LBH: variants seen among roughly 807,000 people sequenced by gnomAD.
LBH encodes protein LBH.
LBH carries 7 observed loss-of-function variants against 12.5 expected under a neutral mutation model. The observed-to-expected ratio is 0.56, with a 90% CI of 0.32 to 1.05. The LOEUF (loss-of-function observed/expected upper bound fraction) is 1.05. Among genes scored for constraint, LBH ranks in the 50% least tolerant of loss-of-function variants. The probability of loss-of-function intolerance (pLI) is 0.04; values close to 1 mark genes in which losing one functional copy is unlikely to be tolerated. For synonymous variants in LBH, 51 were observed against 50.1 expected (o/e 1.02, Z -0.08); for missense variants, 119 against 138.9 (o/e 0.86, Z 0.72).
chr2:30,231,599 T>C lies in LBH; in HGVS notation c.-140T>C. The C allele has an allele frequency of 1.3e-6, 1 of 779,892 alleles. No homozygotes were observed. Among genetic ancestry groups the C allele is most frequent in the Non-Finnish European group, 2.2e-6 (1 of 451,800 alleles). The allele number at this position is 779,892 out of a possible 1,614,324, so 48.3% of individuals were successfully genotyped here. ...GCCGACGTCGCTAGCCGTGGGGCTG[T>C]CCTGGGAAGGCGGACGGCGAGCGCC... On this transcript the variant is annotated 5_prime_UTR_variant, in exon 1 of 3. Coordinates refer to ENST00000395323, the MANE Select transcript of LBH (RefSeq NM_030915.4).
At position 30,232,536 on chromosome 2, in the gene LBH, C is replaced by G. The variant is rs1461119569; in HGVS notation, c.26+772C>G. 6 of 223,614 alleles carry G rather than the reference C, an allele frequency of 2.7e-5. No homozygotes were observed. In the East Asian group the frequency reaches 5.7e-4, roughly 21 times the overall value. 13.9% of individuals were successfully genotyped at this position (223,614 alleles called of 1,614,324 possible). On this transcript the variant is annotated intron_variant, in intron 1 of 2. Coordinates refer to ENST00000395323, the MANE Select transcript of LBH (RefSeq NM_030915.4). ...TGCTGGCAGTTTCTTCCTTCCTGCT[C>G]TGGGTTAGAGGAGAAGCGGCCGGGG...
rs1677603405 is a variant in LBH at position 30,232,265 on chromosome 2, A to G, written c.26+501A>G. Reference sequence around the variant, plus strand: ...GTGGGGGGCGGGAAACGCTCTCCCCACACGTAACCCCACTAAAGCCACAAG... The same window carrying G: ...GTGGGGGGCGGGAAACGCTCTCCCCGCACGTAACCCCACTAAAGCCACAAG... On this transcript the variant is annotated intron_variant, in intron 1 of 2. Transcript: ENST00000395323. 4.0e-5 allele frequency: 61 copies of G among 1,510,884 alleles called. No individual in the cohort carries two copies. The South Asian group carries it at 7.4e-4, about 18-fold the overall frequency. The allele number at this position is 1,510,884 out of a possible 1,614,324, so 93.6% of individuals were successfully genotyped here.
At chr2:30,257,286 TTA>T (rs1322579858) in intron 2 of LBH, 145 bp from the exon 3 acceptor site, 1 of 789,282 alleles carries the variant, frequency 1.3e-6, no homozygotes, top group South Asian at 1.7e-5. Context: ...GGCTCCCACC[TTA>T]TATACTCCAC....
chr2:30,232,330 T>A, intron 1 of LBH: 1 of 1,263,796 alleles, frequency 7.9e-7, no homozygotes, highest in Non-Finnish European at 1.0e-6. Flanking sequence ...CCCTGCCCTC[T>A]CCACCGCCCC....
chr2:30,232,145 CTT>C (rs1326103743), intron 1 of LBH: 10 of 1,544,592 alleles, frequency 6.5e-6, no homozygotes, highest in Non-Finnish European at 8.7e-6. Flanking sequence ...GGCCCCTCCT[CTT>C]TTTCTTTTTG....
intron 2 of LBH, among the ~76,000 whole-genome samples, chr2:30,241,462 T>G (rs1235532381): frequency 1.4e-5 from 2 of 145,956 alleles, no homozygotes; most frequent in African/African-American, 5.0e-5. Flanking sequence ...CTTTCTTTCT[T>G]TTTTTTTTTT....
At chr2:30,245,268 C>T (rs865959456) in intron 2 of LBH, among the ~76,000 whole-genome samples, 5 of 152,042 alleles carry the variant, frequency 3.3e-5, no homozygotes, top group South Asian at 2.1e-4. Context: ...TCATGGTTGC[C>T]GTCAAATTCT....
intron 2 of LBH, among the ~76,000 whole-genome samples, chr2:30,244,634 G>A (rs1269900400): frequency 6.6e-6 from 1 of 152,224 alleles, no homozygotes; most frequent in African/African-American, 2.4e-5. Flanking sequence ...TGGACGCGTG[G>A]CTCACACCTA....
chr2:30,235,823 G>A (rs1677677797), intron 2 of LBH, among the ~76,000 whole-genome samples: 2 of 152,194 alleles, frequency 1.3e-5, no homozygotes, highest in African/African-American at 4.8e-5. Context: ...AGGCTAAGGA[G>A]GCCCCTTTGT....
At position 30,231,593 on chromosome 2, in the gene LBH, G is replaced by T; in HGVS notation, c.-146G>T. The T allele has an allele frequency of 1.4e-6, 1 of 734,152 alleles. No individual in the cohort carries two copies. Among genetic ancestry groups the T allele is most frequent in the Non-Finnish European group, 2.4e-6 (1 of 417,204 alleles). 45.5% of individuals were successfully genotyped at this position (734,152 alleles called of 1,614,324 possible). On this transcript the variant is annotated 5_prime_UTR_variant, in exon 1 of 3. Transcript: ENST00000395323. ...CACCTTGCCGACGTCGCTAGCCGTGGGGCTGTCCTGGGAAGGCGGACGGCG... is the reference window on the plus strand; with the variant it reads ...CACCTTGCCGACGTCGCTAGCCGTGTGGCTGTCCTGGGAAGGCGGACGGCG...
chr2:30,255,827 G>A (rs887373302), intron 2 of LBH, among the ~76,000 whole-genome samples: 10 of 152,232 alleles, frequency 6.6e-5, no homozygotes, highest in Non-Finnish European at 1.5e-4. Flanking sequence ...GGATCAAGGT[G>A]CAGGCAGGAC....
chr2:30,241,392 GCTTA>G (rs1461828150), intron 2 of LBH, among the ~76,000 whole-genome samples: 2 of 150,278 alleles, frequency 1.3e-5, no homozygotes, highest in African/African-American at 2.4e-5. Flanking sequence ...TTATTTTTAT[GCTTA>G]CTTTTCCAAT....
At chr2:30,257,359 A>T (rs1195011449) in intron 2 of LBH, 74 bp from the exon 3 acceptor site, 3 of 1,526,712 alleles carry the variant, frequency 2.0e-6, no homozygotes, top group African/African-American at 1.4e-5. Flanking sequence ...TGCCACATGG[A>T]TGTGCAAAGA....
At chr2:30,233,515 G>A (rs1677629500) in intron 1 of LBH, among the ~76,000 whole-genome samples, 1 of 152,248 alleles carries the variant, frequency 6.6e-6, no homozygotes, top group Non-Finnish European at 1.5e-5. Flanking sequence ...AGGCACGATG[G>A]TGGAAAGCAT....
chr2:30,241,893 C>T (rs1447553846), intron 2 of LBH, among the ~76,000 whole-genome samples: 2 of 152,208 alleles, frequency 1.3e-5, no homozygotes, highest in African/African-American at 4.8e-5. Context: ...GCCAAGATCA[C>T]ACGTTGCATT....
intron 2 of LBH, among the ~76,000 whole-genome samples, chr2:30,238,885 C>CTTTTTTT (rs367954684): frequency 2.0e-5 from 2 of 98,040 alleles, no homozygotes; most frequent in African/African-American, 3.9e-5. Flanking sequence ...CCTCCCCACT[C>CTTTTTTT]TTTTTTTTTT....
intron 2 of LBH, among the ~76,000 whole-genome samples, chr2:30,243,294 A>G (rs13405267): frequency 0.09 from 13,698 of 152,226 alleles, 2,039 homozygotes; most frequent in African/African-American, 0.31. Context: ...AAAAATGTAC[A>G]CAGGTCAGCG....
intron 2 of LBH, among the ~76,000 whole-genome samples, chr2:30,254,903 G>A (rs1198588789): frequency 6.6e-6 from 1 of 152,248 alleles, no homozygotes; most frequent in Non-Finnish European, 1.5e-5. Flanking sequence ...CCTGGGCTGG[G>A]GCCCTCACAG....
chr2:30,245,030 A>G (rs1182882437), intron 2 of LBH, among the ~76,000 whole-genome samples: 1 of 152,272 alleles, frequency 6.6e-6, no homozygotes, highest in East Asian at 1.9e-4. Flanking sequence ...TTGTAAATTA[A>G]CAAAGCCTTA....
Sources: allele counts gnomAD v4.1 joint callset (sites outside exome capture counted in the v4.1 genomes callset), GRCh38; gene constraint gnomAD v4.1.1; transcripts MANE v1.5; gene names NCBI Gene and HGNC (gene_info 2026-07-23, HGNC 2026-07-21).